The following FZD6 variants were observed in gnomAD, a reference collection of about 807,000 sequenced individuals.
FZD6 encodes the protein frizzled class receptor 6.
In FZD6, 49 loss-of-function variants were observed where a neutral mutation model predicts 61.4. That is an observed-to-expected ratio of 0.80 (90% CI 0.63 to 1.01). The LOEUF (loss-of-function observed/expected upper bound fraction) is 1.01. Ranked by LOEUF, FZD6 falls within the 50% of genes least tolerant of loss-of-function variation. The pLI is 0.00. For missense variants in FZD6, 724 were observed against 848.2 expected (o/e 0.85, Z 1.82); for synonymous variants, 265 against 292.2 (o/e 0.91, Z 0.95).
At chr8:103,328,214 T>C in intron 4 of FZD6, 54 bp from the exon 5 acceptor site, 1 of 1,344,154 alleles carries the variant, frequency 7.4e-7, no homozygotes, top group Non-Finnish European at 1.1e-6. Context: ...AATATAGACT[T>C]CTTTCCACTT....
intron 2 of FZD6, among the ~76,000 whole-genome samples, chr8:103,304,072 G>A (rs932782736): frequency 1.3e-5 from 2 of 151,990 alleles, no homozygotes; most frequent in Admixed American, 6.6e-5. Context: ...CCTCCAACCC[G>A]ATTACCTTTA....
At chr8:103,300,421 A>C in intron 2 of FZD6, 137 bp downstream of exon 2, 3 of 737,784 alleles carry the variant, frequency 4.1e-6, no homozygotes, top group Non-Finnish European at 7.3e-6. Context: ...AGTCCTTTTG[A>C]AAATTAAATC....
rs146924761 is a variant in FZD6 at position 103,324,725 on chromosome 8, A to G, written c.619A>G (p.Ile207Val). 2.7e-5 allele frequency: 44 copies of G among 1,613,972 alleles called. No homozygotes were observed. In the Admixed American group the frequency reaches 3.2e-4, roughly 12 times the overall value. Residue 207 changes from isoleucine to valine, a missense_variant, in exon 4 of 7, where the codon ATA (isoleucine) becomes GTA (valine). Physicochemically the swap from Ile to Val is conservative, Grantham distance 29. Coordinates refer to ENST00000358755, the MANE Select transcript of FZD6 (RefSeq NM_003506.4). ...FAKSFIGTVS[I>V]FCLCATLFTF... is the part of the protein sequence containing the mutation. The stretch of plus-strand genomic sequence containing the variant: ...AAAAAGTTTTATTGGAACAGTTTCA[A>G]TATTTTGTCTTTGTGCAACTCTGTT...
At chr8:103,316,456 A>G (rs1180454350) in intron 2 of FZD6, among the ~76,000 whole-genome samples, 4 of 152,190 alleles carry the variant, frequency 2.6e-5, no homozygotes, top group African/African-American at 9.7e-5. Flanking sequence ...GAATCAGCTA[A>G]TTCCTGGGTC....
intron 5 of FZD6, among the ~76,000 whole-genome samples, chr8:103,329,098 C>T (rs114560338): frequency 0.01 from 1,489 of 146,022 alleles, 34 homozygotes; most frequent in African/African-American, 0.034. Context: ...TTGCTTAACT[C>T]ATTTCAGAAC....
intron 3 of FZD6, among the ~76,000 whole-genome samples, chr8:103,319,584 A>G (rs1398769654): frequency 1.3e-5 from 2 of 152,110 alleles, no homozygotes; most frequent in Non-Finnish European, 2.9e-5. Flanking sequence ...GGTGGATGGG[A>G]GAGAGAAGGT....
At chr8:103,315,984 G>A (rs1814614497) in intron 2 of FZD6, among the ~76,000 whole-genome samples, 5 of 151,994 alleles carry the variant, frequency 3.3e-5, no homozygotes, top group South Asian at 2.1e-4. Flanking sequence ...ACTTTAGGCC[G>A]TTTCTGTTTA....
chr8:103,332,659 G>T lies in FZD6; in HGVS notation c.*1150G>T, dbSNP rs1466430767. ...CTATTAAGTATTATTCTTTGGGCAA[G>T]ATTTTCTGATGCTTTTGATTTTCTC... On this transcript the variant is annotated 3_prime_UTR_variant, in exon 7 of 7. Coordinates refer to ENST00000358755, the MANE Select transcript of FZD6 (RefSeq NM_003506.4). 4 of 152,538 alleles carry T rather than the reference G, an allele frequency of 2.6e-5. No homozygotes were observed. The highest frequency in any genetic ancestry group is 9.7e-5 in the African/African-American group (4 of 41,440). 9.4% of individuals were successfully genotyped at this position (152,538 alleles called of 1,614,324 possible).
chr8:103,300,001 A>G lies in FZD6; in HGVS notation c.-107A>G. The G allele has an allele frequency of 1.3e-6, 1 of 762,126 alleles. No individual in the cohort carries two copies. The highest frequency in any genetic ancestry group is 1.5e-5 in the South Asian group (1 of 68,526). The allele number at this position is 762,126 out of a possible 1,614,324, so 47.2% of individuals were successfully genotyped here. On this transcript the variant is annotated 5_prime_UTR_variant, in exon 2 of 7. Transcript: ENST00000358755. ...TTCAGGAAAGCCTGAAAATGAGTAA[A>G]ATAGTGAAATGAGGAATTTGAACAT...
Position 103,332,375 on chromosome 8 carries a change from C to G in FZD6, c.*866C>G. On this transcript the variant is annotated 3_prime_UTR_variant, in exon 7 of 7. Coordinates refer to ENST00000358755, the MANE Select transcript of FZD6 (RefSeq NM_003506.4). ...GACCACCCATTGATTGTATTATAAC[C>G]ACTTACAGTTGCTTATATTTTTTGT... is the stretch of plus-strand genomic sequence containing the variant. The G allele has an allele frequency of 6.6e-6, 1 of 152,098 alleles. No homozygotes were observed. Among genetic ancestry groups the G allele is most frequent in the African/African-American group, 2.4e-5 (1 of 41,430 alleles). The allele number at this position is 152,098 out of a possible 1,614,324, so 9.4% of individuals were successfully genotyped here. A position where few individuals can be genotyped will look rare whatever the true frequency, so the allele number is the denominator to read the frequency against.
rs900910164 is a variant in FZD6 at position 103,324,762 on chromosome 8, C to CT, written c.662dup (p.Leu221PhefsTer3). On this transcript the variant is annotated frameshift_variant, in exon 4 of 7. Coordinates refer to ENST00000358755, the MANE Select transcript of FZD6 (RefSeq NM_003506.4). LOFTEE classifies it high-confidence loss of function. Reference sequence around the variant, plus strand: ...TGTGCAACTCTGTTCACATTCCTTACTTTTTTAATTGATGTTAGAAGATTC... The same window carrying CT: ...TGTGCAACTCTGTTCACATTCCTTACTTTTTTTAATTGATGTTAGAAGATTC... The CT allele has an allele frequency of 6.2e-7, 1 of 1,613,832 alleles. No individual in the cohort carries two copies. Among genetic ancestry groups the CT allele is most frequent in the African/African-American group, 1.3e-5 (1 of 74,924 alleles).
rs968980087 is a variant in FZD6, at chr8:103,310,192, T to C, written c.178-8398T>C. The stretch of plus-strand genomic sequence containing the variant: ...GAATGGGAAGCACATTAAACTGATA[T>C]AATTTAGCCACCTGCAGATCAAACT... On this transcript the variant is annotated intron_variant, in intron 2 of 6. Transcript: ENST00000358755. Among the ~76,000 whole-genome samples, 3 of 152,174 alleles carry C rather than the reference T, an allele frequency of 2.0e-5. No homozygotes were observed. In the South Asian group the frequency reaches 6.2e-4, roughly 32 times the overall value.
At chr8:103,316,191 AGTT>A (rs1376232831) in intron 2 of FZD6, among the ~76,000 whole-genome samples, 1 of 152,204 alleles carries the variant, frequency 6.6e-6, no homozygotes, top group Admixed American at 6.5e-5. Context: ...TTAACACAGT[AGTT>A]GTATTTTCAT....
At chr8:103,308,700 G>A (rs703808) in intron 2 of FZD6, among the ~76,000 whole-genome samples, 142,015 of 152,306 alleles carry the variant, frequency 0.93, 66,266 homozygotes, top group East Asian at 1. Flanking sequence ...CTACTTTCCC[G>A]TATCTTTGAG....
chr8:103,326,887 A>G (rs2130336440), intron 4 of FZD6, among the ~76,000 whole-genome samples: 1 of 152,296 alleles, frequency 6.6e-6, no homozygotes, highest in South Asian at 2.1e-4. Context: ...GGAAATAAAA[A>G]TGAAAAAACT....
intron 6 of FZD6, among the ~76,000 whole-genome samples, chr8:103,330,368 C>T (rs74756955): frequency 0.017 from 2,530 of 152,246 alleles, 70 homozygotes; most frequent in African/African-American, 0.058. Context: ...ATTAATACTA[C>T]ATTATAATTC....
At chr8:103,329,622 T>A (rs1470932794) in intron 5 of FZD6, 33 bp from the exon 6 acceptor site, 1 of 1,523,052 alleles carries the variant, frequency 6.6e-7, no homozygotes, top group East Asian at 2.2e-5. Flanking sequence ...CACTTCTAAT[T>A]TGAGTAAATC....
intron 1 of FZD6, 109 bp from the exon 2 acceptor site, chr8:103,299,847 T>G: frequency 2.3e-6 from 1 of 434,350 alleles, no homozygotes; most frequent in Non-Finnish European, 4.3e-6. Context: ...AATTTTCCGT[T>G]GTTTTTCCAG....
chr8:103,300,339 AAACTAGT>A, intron 2 of FZD6, 55 bp downstream of exon 2: 1 of 1,198,758 alleles, frequency 8.3e-7, no homozygotes, highest in Non-Finnish European at 1.2e-6. Flanking sequence ...GTTCTAGAAT[AAACTAGT>A]AAAAATAAGT....
Sources: gnomAD v4.1 joint callset for allele counts (sites outside exome capture counted in the v4.1 genomes callset) on GRCh38, gnomAD v4.1.1 for gene constraint, MANE v1.5 for transcripts, NCBI Gene and HGNC (gene_info 2026-07-23, HGNC 2026-07-21) for gene names.